Variants in ADGRL2 observed in about 807,000 individuals in gnomAD.
ADGRL2 encodes the protein calcium-independent alpha-latrotoxin receptor 2.
Under a neutral mutation model 157.4 loss-of-function variants are expected in ADGRL2, and 44 were observed. That is an observed-to-expected ratio of 0.28 (90% CI 0.22 to 0.36). The LOEUF is 0.36. Among genes scored for constraint, ADGRL2 ranks in the 10% least tolerant of loss-of-function variants. The probability of loss-of-function intolerance (pLI) is 1.00; values close to 1 mark genes in which losing one functional copy is unlikely to be tolerated. For synonymous variants in ADGRL2, 585 were observed against 624.7 expected, an observed-to-expected ratio of 0.94 and a Z score of 0.95; for missense variants, 1,510 against 1,768.9, an observed-to-expected ratio of 0.85 and a Z score of 2.63.
At chr1:81,805,648 T>C (rs1041460450) in intron 1 of ADGRL2, among the ~76,000 whole-genome samples, 3 of 151,408 alleles carry the variant, frequency 2.0e-5, no homozygotes, top group African/African-American at 7.3e-5. Flanking sequence ...AGATTGTATA[T>C]CATTATATCC....
At chr1:81,574,798 GCAGGA>G (rs1259328856) in intron 2 of ADGRL2, among the ~76,000 whole-genome samples, 2 of 152,182 alleles carry the variant, frequency 1.3e-5, no homozygotes, top group South Asian at 2.1e-4. Flanking sequence ...TTGAGGGAAA[GCAGGA>G]CAAACTTGAA....
At chr1:81,376,022 C>A (rs767525174) in intron 1 of ADGRL2, among the ~76,000 whole-genome samples, 2 of 152,118 alleles carry the variant, frequency 1.3e-5, no homozygotes, top group Admixed American at 6.5e-5. Context: ...ACGAAGATAG[C>A]AATATATACC....
At chr1:81,598,994 A>G (rs1480606499) in intron 3 of ADGRL2, among the ~76,000 whole-genome samples, 1 of 152,174 alleles carries the variant, frequency 6.6e-6, no homozygotes, top group African/African-American at 2.4e-5. Flanking sequence ...TATGGATTCC[A>G]TTGTATATAT....
At chr1:81,585,885 A>T (rs1379910030) in intron 3 of ADGRL2, 1 of 151,460 alleles carries the variant, frequency 6.6e-6, no homozygotes, top group Non-Finnish European at 1.5e-5. Context: ...ACACACATTC[A>T]CATACACACA....
chr1:81,441,591 C>T (rs1009332934), intron 1 of ADGRL2, among the ~76,000 whole-genome samples: 1 of 152,166 alleles, frequency 6.6e-6, no homozygotes, highest in African/African-American at 2.4e-5. Context: ...ATGTTGCAAT[C>T]TTGGCTCACT....
chr1:81,923,975 T>G (rs368588187), intron 3 of ADGRL2, among the ~76,000 whole-genome samples: 1 of 152,166 alleles, frequency 6.6e-6, no homozygotes, highest in Non-Finnish European at 1.5e-5. Flanking sequence ...GTGCAAAATA[T>G]AGGAGATGCC....
chr1:81,492,869 C>G (rs577144827), intron 2 of ADGRL2, among the ~76,000 whole-genome samples: 2 of 152,116 alleles, frequency 1.3e-5, no homozygotes, highest in Non-Finnish European at 2.9e-5. Flanking sequence ...ATTTCTTCTT[C>G]TATCCAGAAA....
chr1:81,917,396 T>G (rs150681018), intron 3 of ADGRL2, among the ~76,000 whole-genome samples: 1 of 152,320 alleles, frequency 6.6e-6, no homozygotes, highest in East Asian at 1.9e-4. Flanking sequence ...TTGCTATGTA[T>G]TTTCTTTAAG....
At position 81,760,526 on chromosome 1, in the gene ADGRL2, T is replaced by C. The variant is rs192087251; in HGVS notation, c.-142-1285T>C. Among the ~76,000 whole-genome samples, 64 of 152,192 alleles carry C rather than the reference T, an allele frequency of 4.2e-4. 1 individual carries two copies. The highest frequency in any genetic ancestry group is 1.5e-3 in the African/African-American group (62 of 41,576). On this transcript the variant is annotated intron_variant, in intron 1 of 20. Coordinates refer to the ADGRL2 transcript ENST00000359929. ...AATGTTCTCTTTTAATAATCAAATA[T>C]AGTTTTGACCTTGGTCTGCCTAAAC...
chr1:81,679,311 C>T (rs2083060262), intron 3 of ADGRL2, among the ~76,000 whole-genome samples: 1 of 151,790 alleles, frequency 6.6e-6, no homozygotes, highest in South Asian at 2.1e-4. Flanking sequence ...AATGAAGAAC[C>T]CAAAGGAATA....
intron 13 of ADGRL2, among the ~76,000 whole-genome samples, chr1:81,967,201 A>G (rs551985584): frequency 6.6e-6 from 1 of 152,262 alleles, no homozygotes; most frequent in African/African-American, 2.4e-5. Flanking sequence ...GGATCTCCAA[A>G]TAGGCAAAGA....
chr1:81,467,268 G>A (rs565216652), intron 2 of ADGRL2, among the ~76,000 whole-genome samples: 1 of 152,254 alleles, frequency 6.6e-6, no homozygotes, highest in Admixed American at 6.5e-5. Flanking sequence ...TATCTTCCTT[G>A]TGGATGTTTA....
At chr1:81,346,393 T>G (rs1662483257) in intron 1 of ADGRL2, among the ~76,000 whole-genome samples, 1 of 152,156 alleles carries the variant, frequency 6.6e-6, no homozygotes, top group Admixed American at 6.6e-5. Context: ...GAATATGATC[T>G]TTCAGCTCAG....
chr1:81,626,451 G>A (rs554586595), intron 3 of ADGRL2, among the ~76,000 whole-genome samples: 8 of 152,230 alleles, frequency 5.3e-5, no homozygotes, highest in South Asian at 2.1e-4. Flanking sequence ...GATTACAGGC[G>A]CAAGCCACCA....
At chr1:81,841,638 T>C (rs186779185) in intron 2 of ADGRL2, among the ~76,000 whole-genome samples, 75 of 152,324 alleles carry the variant, frequency 4.9e-4, no homozygotes, top group African/African-American at 1.6e-3. Context: ...TAACAAAATC[T>C]GTACATATAT....
chr1:81,960,359 C>T (rs1306330719), intron 11 of ADGRL2, among the ~76,000 whole-genome samples: 1 of 152,188 alleles, frequency 6.6e-6, no homozygotes, highest in Non-Finnish European at 1.5e-5. Flanking sequence ...ATCTTATCAA[C>T]AAGCACATAA....
chr1:81,422,518 C>G (rs1443561605), intron 1 of ADGRL2, among the ~76,000 whole-genome samples: 1 of 152,216 alleles, frequency 6.6e-6, no homozygotes, highest in Non-Finnish European at 1.5e-5. Flanking sequence ...GTGCTGGGAT[C>G]ACAGGCGTGG....
At chr1:81,873,465 A>C (rs909718684) in intron 2 of ADGRL2, among the ~76,000 whole-genome samples, 17 of 152,086 alleles carry the variant, frequency 1.1e-4, no homozygotes, top group Non-Finnish European at 1.5e-5. Context: ...ATTGAAATGT[A>C]AAAAAACCAT....
intron 1 of ADGRL2, among the ~76,000 whole-genome samples, chr1:81,344,067 G>GA (rs973939797): frequency 4.6e-5 from 7 of 151,658 alleles, no homozygotes; most frequent in African/African-American, 7.3e-5. Context: ...ATATTACAAA[G>GA]AAAAAAAAAT....
Sources: allele counts gnomAD v4.1 joint callset (sites outside exome capture counted in the v4.1 genomes callset), GRCh38; gene constraint gnomAD v4.1.1; transcripts MANE v1.5; gene names NCBI Gene and HGNC (gene_info 2026-07-23, HGNC 2026-07-21).